UNC79: variants seen among roughly 807,000 people sequenced by gnomAD.
The protein encoded by UNC79 is unc-79 subunit of NALCN channel complex, also known as protein unc-79 homolog.
Under a neutral mutation model 283.1 loss-of-function variants are expected in UNC79, and 37 were observed. That is an observed-to-expected ratio of 0.13 (90% CI 0.10 to 0.17). The LOEUF (loss-of-function observed/expected upper bound fraction) is 0.17, where lower values mean the gene tolerates loss of function less well. Among genes scored for constraint, UNC79 ranks in the 10% least tolerant of loss-of-function variants. UNC79 has a pLI of 1.00. For missense variants in UNC79, 2,272 were observed against 3,211.1 expected, an observed-to-expected ratio of 0.71 and a Z score of 7.07; for synonymous variants, 1,107 against 1,200.2, an observed-to-expected ratio of 0.92 and a Z score of 1.61.
chr14:93,368,201 T>G (rs1006875483), intron 1 of UNC79, among the ~76,000 whole-genome samples: 11 of 152,370 alleles, frequency 7.2e-5, no homozygotes, highest in African/African-American at 1.9e-4. Flanking sequence ...TAGTTTCATT[T>G]ATATCTGGAT....
chr14:93,614,610 C>T (rs1388007980), intron 27 of UNC79, among the ~76,000 whole-genome samples: 4 of 150,292 alleles, frequency 2.7e-5, no homozygotes, highest in Admixed American at 6.6e-5. Context: ...TGAGCCACGG[C>T]GCCCGGCCAC....
chr14:93,408,385 G>T (rs2055268646), intron 1 of UNC79, among the ~76,000 whole-genome samples: 1 of 152,098 alleles, frequency 6.6e-6, no homozygotes, highest in East Asian at 1.9e-4. Context: ...GTAAACTATG[G>T]ACTTTAGTTA....
chr14:93,665,207 A>G lies in UNC79; in HGVS notation c.6636+2493A>G, dbSNP rs567404039. On this transcript the variant is annotated intron_variant, in intron 40 of 48. Coordinates refer to ENST00000555664, the Ensembl canonical transcript of UNC79. Reference sequence around the variant, plus strand: ...TATGAAAAATAAATAAAATAATATAATAGATTTAGTCATTTCAAAAAAAAA... The same window carrying G: ...TATGAAAAATAAATAAAATAATATAGTAGATTTAGTCATTTCAAAAAAAAA... Among the ~76,000 whole-genome samples, 10 of 148,944 alleles carry G rather than the reference A, an allele frequency of 6.7e-5. No individual in the cohort carries two copies. The South Asian group carries it at 2.1e-3, about 31-fold the overall frequency.
At chr14:93,578,060 G>A (rs370650244) in exon 18 of UNC79, 1 of 1,613,874 alleles carries the variant, frequency 6.2e-7, no homozygotes, top group African/African-American at 1.3e-5. Flanking sequence ...TTCTCCTGAA[G>A]CAGGTAGCTG....
At chr14:93,486,755 G>A (rs1368882370) in intron 4 of UNC79, among the ~76,000 whole-genome samples, 3 of 151,946 alleles carry the variant, frequency 2.0e-5, no homozygotes, top group African/African-American at 7.3e-5. Flanking sequence ...ACTTAAAGGG[G>A]TGACTGGATA....
At chr14:93,460,720 A>G (rs563436785) in intron 1 of UNC79, among the ~76,000 whole-genome samples, 5 of 152,082 alleles carry the variant, frequency 3.3e-5, no homozygotes, top group African/African-American at 1.2e-4. Context: ...TTCTAAGGAA[A>G]TAATTAAAGA....
exon 30 of UNC79, chr14:93,622,344 A>G: frequency 6.2e-7 from 1 of 1,614,140 alleles, no homozygotes; most frequent in Non-Finnish European, 8.5e-7. Context: ...TCAGGAAATA[A>G]TCAGTCAGCA....
chr14:93,376,913 T>C (rs1186327224), intron 1 of UNC79, among the ~76,000 whole-genome samples: 1 of 148,570 alleles, frequency 6.7e-6, no homozygotes, highest in Non-Finnish European at 1.5e-5. Flanking sequence ...TTATATATAT[T>C]ATAGCTTTCT....
At chr14:93,665,279 GA>G (rs1251989451) in intron 40 of UNC79, among the ~76,000 whole-genome samples, 32 of 149,614 alleles carry the variant, frequency 2.1e-4, no homozygotes, top group African/African-American at 7.5e-4. Flanking sequence ...TTCTAGAAAT[GA>G]AAAACAATCA....
At chr14:93,449,996 C>T (rs374573479) in intron 1 of UNC79, among the ~76,000 whole-genome samples, 16 of 152,200 alleles carry the variant, frequency 1.1e-4, no homozygotes, top group African/African-American at 2.2e-4. Flanking sequence ...TGAAGATGTG[C>T]GAAACAGTCT....
intron 14 of UNC79, among the ~76,000 whole-genome samples, chr14:93,543,818 C>A (rs2061483558): frequency 1.3e-5 from 2 of 152,072 alleles, no homozygotes; most frequent in South Asian, 4.1e-4. Context: ...TCAAAGAGAT[C>A]TTGAGGCAGT....
chr14:93,394,349 G>GTCTTT (rs1566909949), intron 1 of UNC79, among the ~76,000 whole-genome samples: 12 of 113,002 alleles, frequency 1.1e-4, no homozygotes. Flanking sequence ...TCATGCAATT[G>GTCTTT]TCTTTTATTT....
At chr14:93,597,843 T>C (rs953200373) in intron 24 of UNC79, among the ~76,000 whole-genome samples, 2 of 152,148 alleles carry the variant, frequency 1.3e-5, no homozygotes, top group African/African-American at 4.8e-5. Flanking sequence ...ACTATCATAT[T>C]GGTGATTTAG....
chr14:93,421,899 G>T (rs1296354345), intron 1 of UNC79, among the ~76,000 whole-genome samples: 3 of 151,664 alleles, frequency 2.0e-5, no homozygotes, highest in Non-Finnish European at 4.4e-5. Flanking sequence ...CAGAATGAGG[G>T]ATAAAAACCA....
chr14:93,401,271 G>T (rs2055102776), intron 1 of UNC79, among the ~76,000 whole-genome samples: 1 of 152,134 alleles, frequency 6.6e-6, no homozygotes, highest in African/African-American at 2.4e-5. Flanking sequence ...CAAGGGCAAA[G>T]CTTTGATAAA....
rs565558223 is a variant in UNC79 at position 93,351,922 on chromosome 14, C to T, written c.-351+18399C>T. On this transcript the variant is annotated intron_variant, in intron 1 of 49. Transcript: ENST00000256339. ...ACTTTGAAGGACTATCTTCTTTATT[C>T]AAGGCCTACCGATTTAAATGTTAAT... Among the ~76,000 whole-genome samples the T allele has an allele frequency of 1.2e-3, 185 of 152,310 alleles. 1 individual carries two copies. The Middle Eastern group carries it at 0.017, about 14-fold the overall frequency.
At chr14:93,486,740 T>C (rs954185112) in intron 4 of UNC79, among the ~76,000 whole-genome samples, 18 of 151,936 alleles carry the variant, frequency 1.2e-4, no homozygotes, top group Non-Finnish European at 2.4e-4. Context: ...GTGCTACTTT[T>C]GAATACTTAA....
intron 14 of UNC79, 41 bp from the exon 15 acceptor site, chr14:93,571,853 T>C (rs1163567219): frequency 6.2e-7 from 1 of 1,608,558 alleles, no homozygotes; most frequent in Non-Finnish European, 8.5e-7. Flanking sequence ...GTAACCAGTG[T>C]GTTTCATTCT....
At chr14:93,342,857 T>C (rs1332513301) in intron 1 of UNC79, among the ~76,000 whole-genome samples, 1 of 152,244 alleles carries the variant, frequency 6.6e-6, no homozygotes, top group African/African-American at 2.4e-5. Flanking sequence ...ATGCTGCCAG[T>C]CTCTTTGCTA....
Sources: allele counts gnomAD v4.1 joint callset (sites outside exome capture counted in the v4.1 genomes callset), GRCh38; gene constraint gnomAD v4.1.1; transcripts MANE v1.5; gene names NCBI Gene and HGNC (gene_info 2026-07-23, HGNC 2026-07-21).